Variants in PRKG1 observed in about 807,000 individuals in gnomAD.
The protein encoded by PRKG1 is protein kinase cGMP-dependent 1, also known as cGMP-dependent protein kinase 1.
In PRKG1, 35 loss-of-function variants were observed where a neutral mutation model predicts 88.1. That is an observed-to-expected ratio of 0.40 (90% CI 0.30 to 0.53). The LOEUF (loss-of-function observed/expected upper bound fraction) is 0.53, where lower values mean the gene tolerates loss of function less well. Ranked by LOEUF, PRKG1 falls within the 20% of genes least tolerant of loss-of-function variation. The probability of loss-of-function intolerance (pLI) is 0.59; values close to 1 mark genes in which losing one functional copy is unlikely to be tolerated. For missense variants in PRKG1, 540 were observed against 839.8 expected (o/e 0.64, Z 4.41); for synonymous variants, 303 against 292.5 (o/e 1.04, Z -0.37).
intron 9 of PRKG1, among the ~76,000 whole-genome samples, chr10:52,170,576 G>C (rs1838641174): frequency 6.6e-6 from 1 of 152,144 alleles, no homozygotes; most frequent in African/African-American, 2.4e-5. Context: ...TCGACACTCT[G>C]CAAGAGCTGT....
At chr10:51,900,487 G>C (rs926679168) in intron 4 of PRKG1, among the ~76,000 whole-genome samples, 3 of 151,976 alleles carry the variant, frequency 2.0e-5, no homozygotes, top group African/African-American at 7.2e-5. Context: ...TTATGCTTTG[G>C]TCATTTGGAA....
chr10:51,311,604 T>G (rs1203404614), intron 2 of PRKG1, among the ~76,000 whole-genome samples: 1 of 152,224 alleles, frequency 6.6e-6, no homozygotes, highest in Non-Finnish European at 1.5e-5. Context: ...CTTAGATCTC[T>G]ATGAATCACA....
intron 3 of PRKG1, among the ~76,000 whole-genome samples, chr10:51,485,275 T>A (rs970147180): frequency 7.9e-5 from 12 of 152,316 alleles, no homozygotes; most frequent in Admixed American, 2.6e-4. Flanking sequence ...TCTGAATCAA[T>A]TCCTTTGGAG....
intron 5 of PRKG1, among the ~76,000 whole-genome samples, chr10:52,030,428 G>C (rs895089840): frequency 6.6e-6 from 1 of 152,130 alleles, no homozygotes; most frequent in Non-Finnish European, 1.5e-5. Context: ...CCACTTATGC[G>C]TCTCCTCTGG....
At chr10:51,135,575 T>C (rs1845666889) in intron 1 of PRKG1, among the ~76,000 whole-genome samples, 1 of 152,124 alleles carries the variant, frequency 6.6e-6, no homozygotes, top group Non-Finnish European at 1.5e-5. Context: ...AAAGAGTAGT[T>C]TAGAGAAGGT....
chr10:51,538,998 G>A (rs1052397182), intron 3 of PRKG1, among the ~76,000 whole-genome samples: 1 of 152,010 alleles, frequency 6.6e-6, no homozygotes, highest in East Asian at 1.9e-4. Flanking sequence ...GGAAGCAAAG[G>A]TACTTTTATT....
intron 1 of PRKG1, among the ~76,000 whole-genome samples, chr10:51,108,201 C>G (rs992708389): frequency 6.6e-6 from 1 of 152,030 alleles, no homozygotes; most frequent in Non-Finnish European, 1.5e-5. Context: ...CAATTCTGTA[C>G]ACACTCTTAC....
At chr10:51,092,162 G>A (rs1408409827) in intron 1 of PRKG1, among the ~76,000 whole-genome samples, 2 of 152,170 alleles carry the variant, frequency 1.3e-5, no homozygotes, top group Admixed American at 1.3e-4. Context: ...AGCTGTTTGT[G>A]AAATGAGAGA....
intron 2 of PRKG1, among the ~76,000 whole-genome samples, chr10:51,192,733 A>C (rs1442539570): frequency 6.6e-6 from 1 of 152,020 alleles, no homozygotes; most frequent in African/African-American, 2.4e-5. Context: ...CAATATGATA[A>C]AGAGAAGTAA....
At chr10:51,346,047 AC>A (rs1235208064) in intron 2 of PRKG1, among the ~76,000 whole-genome samples, 1 of 152,174 alleles carries the variant, frequency 6.6e-6, no homozygotes, top group African/African-American at 2.4e-5. Flanking sequence ...ATAAATGGTT[AC>A]TTGATCATTT....
intron 3 of PRKG1, among the ~76,000 whole-genome samples, chr10:51,798,024 C>T (rs1457959859): frequency 6.6e-6 from 1 of 151,890 alleles, no homozygotes; most frequent in Non-Finnish European, 1.5e-5. Context: ...ATGTATACAC[C>T]ACATTTTGTT....
chr10:51,181,589 G>A (rs1837349351), intron 2 of PRKG1, among the ~76,000 whole-genome samples: 1 of 152,054 alleles, frequency 6.6e-6, no homozygotes, highest in African/African-American at 2.4e-5. Context: ...TCTTATTTTA[G>A]ATAAGCAACA....
intron 5 of PRKG1, among the ~76,000 whole-genome samples, chr10:51,958,581 G>A (rs1843370936): frequency 7.3e-6 from 1 of 136,824 alleles, no homozygotes; most frequent in Non-Finnish European, 1.5e-5. Context: ...CGTCTACAGA[G>A]TATTTTTTTT....
Position 51,774,360 on chromosome 10 carries a change from A to AT in PRKG1, c.593-30219dup, listed in dbSNP as rs562169686. On this transcript the variant is annotated intron_variant, in intron 3 of 17. Transcript: ENST00000373980. ...TAAAAATTAAATGGGGGAAATTTCT[A>AT]TTTTTTCCCCTTATACTATATTCTC... Among the ~76,000 whole-genome samples the AT allele has an allele frequency of 2.4e-3, 372 of 152,066 alleles. 2 individuals are homozygous for AT. The highest frequency in any genetic ancestry group is 8.6e-3 in the African/African-American group (357 of 41,520).
intron 1 of PRKG1, among the ~76,000 whole-genome samples, chr10:51,060,385 C>CT (rs889759530): frequency 3.3e-5 from 5 of 151,514 alleles, no homozygotes; most frequent in African/African-American, 1.2e-4. Context: ...TTTTTCTTTC[C>CT]TTTTTTGCCT....
chr10:51,038,992 G>A (rs1477270798), intron 1 of PRKG1, among the ~76,000 whole-genome samples: 4 of 152,154 alleles, frequency 2.6e-5, no homozygotes, highest in Non-Finnish European at 5.9e-5. Flanking sequence ...GCAAAAACAG[G>A]CTTGAACATT....
chr10:52,012,437 T>C (rs1233535272), intron 5 of PRKG1, among the ~76,000 whole-genome samples: 1 of 152,038 alleles, frequency 6.6e-6, no homozygotes, highest in Non-Finnish European at 1.5e-5. Context: ...AGAGACAGGG[T>C]TTCACCGTGT....
chr10:51,929,982 A>G (rs1436716680), intron 5 of PRKG1, among the ~76,000 whole-genome samples: 1 of 152,196 alleles, frequency 6.6e-6, no homozygotes, highest in Non-Finnish European at 1.5e-5. Context: ...ACTGTAAGGT[A>G]GCATCAGAGG....
chr10:52,062,809 A>T, intron 7 of PRKG1, 178 bp downstream of exon 7: 1 of 725,300 alleles, frequency 1.4e-6, no homozygotes, highest in Non-Finnish European at 2.6e-6. Context: ...ATCTGTTTGA[A>T]TACGTTGTGG....
Sources: gnomAD v4.1 joint callset for allele counts (sites outside exome capture counted in the v4.1 genomes callset) on GRCh38, gnomAD v4.1.1 for gene constraint, MANE v1.5 for transcripts, NCBI Gene and HGNC (gene_info 2026-07-23, HGNC 2026-07-21) for gene names.